The following MAX variants were observed in gnomAD, a reference collection of about 807,000 sequenced individuals.
MAX encodes the protein MYC associated transcriptional regulator X.
MAX carries 3 observed loss-of-function variants against 22.3 expected under a neutral mutation model. That is an observed-to-expected ratio of 0.13 (90% CI 0.06 to 0.35). MAX has a LOEUF of 0.35. MAX is among the 10% of genes least tolerant of loss of function. The pLI, the probability that MAX is intolerant of heterozygous loss-of-function variation, is 1.00. For synonymous variants in MAX, 72 were observed against 77.7 expected, an observed-to-expected ratio of 0.93 and a Z score of 0.39; for missense variants, 119 against 209.4, an observed-to-expected ratio of 0.57 and a Z score of 2.66.
At position 65,078,051 on chromosome 14, in the gene MAX, G is replaced by T; in HGVS notation, c.172-15C>A. 1 of 1,614,152 alleles carries T rather than the reference G, an allele frequency of 6.2e-7. No homozygotes were observed. The highest frequency in any genetic ancestry group is 8.5e-7 in the Non-Finnish European group (1 of 1,180,032). ...GCCCGGGATGCCTGTGGCAATATGA[G>T]AAAAAGCACAGGGGACAAAATAAAA... On this transcript the variant is annotated splice_polypyrimidine_tract_variant and intron_variant, in intron 3 of 4. Coordinates refer to ENST00000358664, the MANE Select transcript of MAX (RefSeq NM_002382.5). The surrounding 1 kb of genome is among the most constrained non-coding windows in gnomAD (Gnocchi z 6.4).
chr14:65,024,466 G>A (rs1235936781), intron 3 of MAX, among the ~76,000 whole-genome samples: 1 of 152,172 alleles, frequency 6.6e-6, no homozygotes, highest in Non-Finnish European at 1.5e-5. Flanking sequence ...CAGCAGGACT[G>A]GGTCTCTGTA....
chr14:65,085,653 C>T (rs976497765), intron 3 of MAX, among the ~76,000 whole-genome samples: 1 of 151,990 alleles, frequency 6.6e-6, no homozygotes, highest in South Asian at 2.1e-4. Flanking sequence ...CACAGAGGTT[C>T]AAGGGAGAGT....
At chr14:65,013,541 C>G (rs557340903) in intron 3 of MAX, among the ~76,000 whole-genome samples, 2 of 152,264 alleles carry the variant, frequency 1.3e-5, no homozygotes, top group South Asian at 4.1e-4. Flanking sequence ...GTGCTGAAAG[C>G]TTACCATGCA....
At chr14:65,051,918 C>T (rs2062622912) in intron 3 of MAX, among the ~76,000 whole-genome samples, 1 of 151,820 alleles carries the variant, frequency 6.6e-6, no homozygotes, top group South Asian at 2.1e-4. Context: ...CCTCAGCCTC[C>T]TGAGTAGCTG....
chr14:65,022,856 C>G lies in MAX; in HGVS notation c.172-16572G>C, dbSNP rs570852082. On this transcript the variant is annotated intron_variant, in intron 3 of 3. Coordinates refer to the MAX transcript ENST00000341653. ...ATTACTGGTCTTTTCCTGCTATGTT[C>G]CTAGTCATTTCCCATATTCATGTGC... 7.9e-5 allele frequency among the ~76,000 whole-genome samples: 12 copies of G among 152,218 alleles called. No individual in the cohort carries two copies. In the East Asian group the frequency reaches 2.3e-3, roughly 29 times the overall value.
At position 65,062,337 on chromosome 14, in the gene MAX, G is replaced by C. The variant is rs1195208079; in HGVS notation, c.171+31371C>G. ...AATAAAATCAAGTGCTAGACACACT[G>C]GCTGCTACTAAGGCACTAGCCTCTG... On this transcript the variant is annotated intron_variant, in intron 3 of 3. Transcript: ENST00000341653. The surrounding 1 kb of genome is among the most constrained non-coding windows in gnomAD (Gnocchi z 4.3). The C allele has an allele frequency of 6.6e-6, 1 of 152,346 alleles. No homozygotes were observed. Among genetic ancestry groups the C allele is most frequent in the Non-Finnish European group, 1.5e-5 (1 of 68,068 alleles). The allele number at this position is 152,346 out of a possible 1,614,324, so 9.4% of individuals were successfully genotyped here.
chr14:65,053,424 A>T, intron 3 of MAX: 1 of 1,216,264 alleles, frequency 8.2e-7, no homozygotes, highest in Non-Finnish European at 1.1e-6. Context: ...AGGCCTACTC[A>T]GAGCCAGATC....
In MAX at chr14:65,077,759, C is replaced by T; in HGVS notation, c.295+154G>A. On this transcript the variant is annotated intron_variant, in intron 4 of 4. Transcript: ENST00000358664. The surrounding 1 kb of genome is among the most constrained non-coding windows in gnomAD (Gnocchi z 6.3). ...CCTCAGGTCCTTCCTCAGGACGGCT[C>T]TAACACTCAGTTACTCAGGCCCCAA... 6.2e-7 allele frequency: 1 copy of T among 1,612,510 alleles called. No individual in the cohort carries two copies. The highest frequency in any genetic ancestry group is 1.3e-5 in the African/African-American group (1 of 75,008).
At chr14:65,072,434 G>A (rs1230494862), downstream of MAX, among the ~76,000 whole-genome samples, 1 of 152,154 alleles carries the variant, frequency 6.6e-6, no homozygotes, top group Non-Finnish European at 1.5e-5. Context: ...TAACAAGCCC[G>A]CCTCCCCCAC....
rs767026780 is a variant in MAX at position 65,076,412 on chromosome 14, G to A, written c.*64C>T. 6.8e-6 allele frequency: 11 copies of A among 1,611,422 alleles called. No individual in the cohort carries two copies. Among genetic ancestry groups the A allele is most frequent in the East Asian group, 2.2e-5 (1 of 44,892 alleles). On this transcript the variant is annotated 3_prime_UTR_variant, in exon 5 of 5. Coordinates refer to ENST00000358664, the MANE Select transcript of MAX (RefSeq NM_002382.5). This position sits in a 1 kb window ranked among gnomAD's most constrained non-coding sequence, Gnocchi z 6.6. ...AAATGGTTCTGAGGGCTCTACCAAC[G>A]AACTGAAAGGAGGATGAGACGATGG...
At chr14:65,098,780 C>T (rs992812048) in intron 2 of MAX, among the ~76,000 whole-genome samples, 3 of 152,078 alleles carry the variant, frequency 2.0e-5, no homozygotes, top group Non-Finnish European at 4.4e-5. Context: ...AGCTGTTTTC[C>T]GTTTGTACTG....
intron 3 of MAX, among the ~76,000 whole-genome samples, chr14:65,046,666 G>C (rs1342489950): frequency 6.6e-6 from 1 of 152,182 alleles, no homozygotes; most frequent in Non-Finnish European, 1.5e-5. Context: ...TGTAAAGAAG[G>C]GAAGTGTGTT....
At position 65,077,646 on chromosome 14, in the gene MAX, G is replaced by A; in HGVS notation, c.295+267C>T. On this transcript the variant is annotated intron_variant, in intron 4 of 4. Coordinates refer to ENST00000358664, the MANE Select transcript of MAX (RefSeq NM_002382.5). This position sits in a 1 kb window ranked among gnomAD's most constrained non-coding sequence, Gnocchi z 6.3. ...GATCCCTACTGCAGGCAGAGCACCT[G>A]AGCCCCAAGAAGGGGAGAGGTCAGG... The A allele has an allele frequency of 1.5e-6, 2 of 1,355,910 alleles. No individual in the cohort carries two copies. Among genetic ancestry groups the A allele is most frequent in the East Asian group, 2.5e-5 (1 of 40,072 alleles). 84.0% of individuals were successfully genotyped at this position (1,355,910 alleles called of 1,614,324 possible).
Position 65,014,690 on chromosome 14 carries a change from C to T in MAX, c.172-8406G>A, listed in dbSNP as rs1303000442. ...TTAGCCAGGCATAGTGGTGTGTGCC[C>T]GTAGTCCCAGCTACTTAGGAGGCTG... On this transcript the variant is annotated intron_variant, in intron 3 of 3. Coordinates refer to the MAX transcript ENST00000341653. The surrounding 1 kb of genome is among the most constrained non-coding windows in gnomAD (Gnocchi z 5.1). 1.3e-5 allele frequency among the ~76,000 whole-genome samples: 2 copies of T among 152,026 alleles called. No individual in the cohort carries two copies. The highest frequency in any genetic ancestry group is 2.9e-5 in the Non-Finnish European group (2 of 68,000).
chr14:65,048,955 T>G (rs2062547869), intron 3 of MAX, among the ~76,000 whole-genome samples: 1 of 152,042 alleles, frequency 6.6e-6, no homozygotes, highest in Admixed American at 6.6e-5. Context: ...TGAAACCCCA[T>G]CTCTACTAAA....
In MAX at chr14:65,007,553, A is replaced by G. The variant is rs2061613752; in HGVS notation, c.172-1269T>C. On this transcript the variant is annotated intron_variant, in intron 3 of 3. Coordinates refer to the MAX transcript ENST00000341653. This position sits in a 1 kb window ranked among gnomAD's most constrained non-coding sequence, Gnocchi z 4.9. ...CAAGCCTGGAGCTGAATGTCAGTAC[A>G]TTCTATACTTAATCCCCTTCCCAGA... Among the ~76,000 whole-genome samples the G allele has an allele frequency of 6.6e-6, 1 of 152,230 alleles. No individual in the cohort carries two copies. The highest frequency in any genetic ancestry group is 2.4e-5 in the African/African-American group (1 of 41,462).
chr14:65,072,660 C>T (rs551263806), downstream of MAX, among the ~76,000 whole-genome samples: 3 of 152,336 alleles, frequency 2.0e-5, no homozygotes, highest in Admixed American at 6.5e-5. Flanking sequence ...ACAAGCAGCC[C>T]TGGGCATGAT....
chr14:65,019,108 GGTTGCGGTGAGCCAA>G (rs2061837887), intron 3 of MAX, among the ~76,000 whole-genome samples: 8 of 152,188 alleles, frequency 5.3e-5, no homozygotes, highest in Admixed American at 4.6e-4. Flanking sequence ...GGGAGGCGGA[GGTTGCGGTGAGCCAA>G]GATTGCACCA....
chr14:65,016,176 G>A (rs1422442528), intron 3 of MAX, among the ~76,000 whole-genome samples: 1 of 152,126 alleles, frequency 6.6e-6, no homozygotes, highest in Non-Finnish European at 1.5e-5. Context: ...CTCTTGATGG[G>A]ACTGGATGTG....
Sources: gnomAD v4.1 joint callset for allele counts (sites outside exome capture counted in the v4.1 genomes callset) on GRCh38, gnomAD v4.1.1 for gene constraint, Gnocchi (gnomAD v3.1) non-coding constraint, MANE v1.5 for transcripts, NCBI Gene and HGNC (gene_info 2026-07-23, HGNC 2026-07-21) for gene names.